LRPPRC: variants seen among roughly 807,000 people sequenced by gnomAD.
LRPPRC encodes the protein leucine rich pentatricopeptide repeat containing, also known as leucine-rich PPR motif-containing protein, mitochondrial.
In LRPPRC, 120 loss-of-function variants were observed where a neutral mutation model predicts 180.3. The ratio of observed to expected loss-of-function variants is 0.67; its 90% confidence interval spans 0.57 to 0.77. The LOEUF (loss-of-function observed/expected upper bound fraction) is 0.77, where lower values mean the gene tolerates loss of function less well. Ranked by LOEUF, LRPPRC falls within the 30% of genes least tolerant of loss-of-function variation. LRPPRC has a pLI of 0.00. For missense variants in LRPPRC, 2,012 were observed against 1,657.2 expected (o/e 1.21, Z -3.72); for synonymous variants, 723 against 600.0 (o/e 1.21, Z -3.00).
intron 35 of LRPPRC, among the ~76,000 whole-genome samples, chr2:43,894,983 G>C (rs1050063011): frequency 1.4e-4 from 22 of 152,298 alleles, no homozygotes; most frequent in Middle Eastern, 3.4e-3. Flanking sequence ...GCCACAACTG[G>C]TTGATGAAAT....
intron 14 of LRPPRC, among the ~76,000 whole-genome samples, chr2:43,951,555 T>C (rs1672903213): frequency 6.6e-6 from 1 of 152,196 alleles, no homozygotes; most frequent in African/African-American, 2.4e-5. Context: ...GGTTATGTTG[T>C]TTTATTTAAA....
At chr2:43,928,158 T>G (rs961023237) in intron 25 of LRPPRC, among the ~76,000 whole-genome samples, 11 of 152,242 alleles carry the variant, frequency 7.2e-5, no homozygotes, top group African/African-American at 2.7e-4. Flanking sequence ...CCTGAGCTAC[T>G]GTGCTTCAAA....
intron 15 of LRPPRC, among the ~76,000 whole-genome samples, 188 bp downstream of exon 15, chr2:43,950,381 TTGGA>T (rs1175951178): frequency 6.6e-6 from 1 of 152,142 alleles, no homozygotes; most frequent in Admixed American, 6.5e-5. Flanking sequence ...CCTCCTCCCA[TTGGA>T]TTCTTATCAA....
chr2:43,918,080 T>G lies in LRPPRC; in HGVS notation c.3093A>C (p.Thr1031=), dbSNP rs768083517. ...HSLNSSSAST[T]EPDFQKDILI... is the part of the protein sequence containing the mutation. ...ATATATCTTTCTGGAAATCAGGTTC[T>G]GTGGTTGAGGCTGACGAAGAATTCA... The change falls in exon 29 of 38, where the codon ACA becomes ACC. Residue 1031 remains threonine (T), a synonymous_variant. Coordinates refer to ENST00000260665, the MANE Select transcript of LRPPRC (RefSeq NM_133259.4). 53 of 1,613,920 alleles carry G rather than the reference T, an allele frequency of 3.3e-5. No homozygotes were observed. Among genetic ancestry groups the G allele is most frequent in the Non-Finnish European group, 4.3e-5 (51 of 1,180,002 alleles).
chr2:43,986,424 C>G (rs1356934017), intron 1 of LRPPRC, among the ~76,000 whole-genome samples: 1 of 152,174 alleles, frequency 6.6e-6, no homozygotes, highest in Non-Finnish European at 1.5e-5. Context: ...GCCACCATGC[C>G]CAGGCCATAC....
In LRPPRC at chr2:43,925,980, A is replaced by G. The variant is rs767636298; in HGVS notation, c.2737-19T>C. On this transcript the variant is annotated intron_variant, in intron 25 of 37. Transcript: ENST00000260665. The stretch of plus-strand genomic sequence containing the variant: ...CTGGAGTCTGTAAAATAAAATAATC[A>G]CATAGCACCCAAGGTAAGGCTTCGG... 6.9e-7 allele frequency: 1 copy of G among 1,454,498 alleles called. No individual in the cohort carries two copies. Among genetic ancestry groups the G allele is most frequent in the East Asian group, 2.3e-5 (1 of 44,152 alleles). 90.1% of individuals were successfully genotyped at this position (1,454,498 alleles called of 1,614,324 possible). A position where few individuals can be genotyped will look rare whatever the true frequency, so the allele number is the denominator to read the frequency against.
chr2:43,889,754 C>G lies in LRPPRC; in HGVS notation c.4108G>C (p.Val1370Leu). 1 of 1,613,368 alleles carries G rather than the reference C, an allele frequency of 6.2e-7. No individual in the cohort carries two copies. Residue 1370 changes from valine to leucine, a missense_variant, in exon 37 of 38, where the codon GTC becomes CTC. Coordinates refer to ENST00000260665, the MANE Select transcript of LRPPRC (RefSeq NM_133259.4). ...ASLLKYAGEP[V>L]PFIEPPESFE... ...CTCACAGGGGGTTCAATGAAAGGGA[C>G]AGGCTCTCCAGCATACTTCAGCAAA...
intron 1 of LRPPRC, among the ~76,000 whole-genome samples, chr2:43,990,263 G>A (rs1361032532): frequency 6.6e-6 from 1 of 151,878 alleles, no homozygotes; most frequent in Non-Finnish European, 1.5e-5. Flanking sequence ...AGGTACCATT[G>A]TTTACCCTAA....
At position 43,948,487 on chromosome 2, in the gene LRPPRC, A is replaced by C. The variant is rs145200894; in HGVS notation, c.1767T>G (p.Ile589Met). The stretch of plus-strand genomic sequence containing the variant: ...GTACCTCTGAGTCACTCATGCTGTC[A>C]ATCAAGTTATAAAGAAAATAGCCAA... ...EAVGYFLYNL[I>M]DSMSDSEVQA... Residue 589 changes from isoleucine to methionine, a missense_variant, in exon 17 of 38, where the codon ATT becomes ATG. Physicochemically the swap from Ile to Met is conservative, Grantham distance 10 (BLOSUM62 1). Coordinates refer to ENST00000260665, the MANE Select transcript of LRPPRC (RefSeq NM_133259.4). The C allele has an allele frequency of 1.2e-6, 2 of 1,610,304 alleles. No homozygotes were observed. The highest frequency in any genetic ancestry group is 1.7e-5 in the Admixed American group (1 of 60,026).
At chr2:43,980,065 G>C (rs1342451679) in intron 2 of LRPPRC, 117 bp from the exon 3 acceptor site, 28 of 977,208 alleles carry the variant, frequency 2.9e-5, no homozygotes, top group Non-Finnish European at 4.3e-5. Flanking sequence ...CAAACTGAGA[G>C]TAACCATAAA....
intron 27 of LRPPRC, among the ~76,000 whole-genome samples, chr2:43,920,418 G>A (rs1671658358): frequency 1.3e-5 from 2 of 152,162 alleles, no homozygotes; most frequent in African/African-American, 4.8e-5. Context: ...TTATAGGTGT[G>A]AGCCACCTTG....
intron 11 of LRPPRC, 27 bp downstream of exon 11, chr2:43,973,580 A>G (rs1330896954): frequency 5.5e-6 from 8 of 1,461,328 alleles, no homozygotes; most frequent in Non-Finnish European, 7.7e-6. Context: ...GGGAACCATT[A>G]CAAATCGGTA....
intron 5 of LRPPRC, 93 bp downstream of exon 5, chr2:43,976,901 T>A (rs1378006613): frequency 1.1e-5 from 11 of 989,282 alleles, no homozygotes; most frequent in Non-Finnish European, 3.2e-6. Context: ...ATTTCCTCCA[T>A]TAGGAAGAAG....
chr2:43,968,088 T>C (rs975243942), intron 11 of LRPPRC, among the ~76,000 whole-genome samples: 2 of 151,966 alleles, frequency 1.3e-5, no homozygotes, highest in African/African-American at 2.4e-5. Context: ...TGAGATACTC[T>C]GGTGAAATGA....
intron 1 of LRPPRC, among the ~76,000 whole-genome samples, chr2:43,989,363 T>C (rs6705730): frequency 0.2 from 31,079 of 152,146 alleles, 3,969 homozygotes; most frequent in African/African-American, 0.35. Context: ...CCTTTCCACC[T>C]ATCGAGATTT....
At chr2:43,924,679 CA>C (rs1671813843) in intron 27 of LRPPRC, among the ~76,000 whole-genome samples, 1 of 151,498 alleles carries the variant, frequency 6.6e-6, no homozygotes, top group African/African-American at 2.4e-5. Flanking sequence ...CATCTTTTTG[CA>C]AAAAGAAAAA....
chr2:43,959,964 T>C (rs1234210276), intron 13 of LRPPRC, among the ~76,000 whole-genome samples: 2 of 152,208 alleles, frequency 1.3e-5, no homozygotes, highest in Non-Finnish European at 2.9e-5. Context: ...TACTTCTGGT[T>C]CAAATCACTA....
In LRPPRC at chr2:43,946,259, G is replaced by A. The variant is rs556653376; in HGVS notation, c.2080-16C>T. On this transcript the variant is annotated splice_polypyrimidine_tract_variant and intron_variant, in intron 20 of 37. Coordinates refer to ENST00000260665, the MANE Select transcript of LRPPRC (RefSeq NM_133259.4). ...TTTGCATATTCTAAAATACAGCATA[G>A]ATGTGAAAAAGAAGAAATCAGTGTG... 9 of 1,603,834 alleles carry A rather than the reference G, an allele frequency of 5.6e-6. No homozygotes were observed. Among genetic ancestry groups the A allele is most frequent in the Non-Finnish European group, 7.7e-6 (9 of 1,171,254 alleles).
intron 11 of LRPPRC, among the ~76,000 whole-genome samples, chr2:43,966,185 G>C (rs1270063091): frequency 6.6e-6 from 1 of 151,784 alleles, no homozygotes; most frequent in African/African-American, 2.4e-5. Context: ...CACATGCTAA[G>C]TGAAATAAGC....
Sources: allele counts gnomAD v4.1 joint callset (sites outside exome capture counted in the v4.1 genomes callset), GRCh38; gene constraint gnomAD v4.1.1; transcripts MANE v1.5; gene names NCBI Gene and HGNC (gene_info 2026-07-23, HGNC 2026-07-21).